Variants in SEL1L2 observed in about 807,000 individuals in gnomAD.
SEL1L2 encodes protein sel-1 homolog 2.
Under a neutral mutation model 98.8 loss-of-function variants are expected in SEL1L2, and 89 were observed. The observed-to-expected ratio is 0.90, with a 90% CI of 0.76 to 1.07. The LOEUF (loss-of-function observed/expected upper bound fraction) is 1.07, where lower values mean the gene tolerates loss of function less well. Ranked by LOEUF, SEL1L2 falls within the 50% of genes least tolerant of loss-of-function variation. The pLI is 0.00. For synonymous variants in SEL1L2, 262 were observed against 278.5 expected, an observed-to-expected ratio of 0.94 and a Z score of 0.59; for missense variants, 788 against 812.0, an observed-to-expected ratio of 0.97 and a Z score of 0.36.
chr20:13,961,432 C>G (rs1390548877), intron 1 of SEL1L2, among the ~76,000 whole-genome samples: 1 of 152,182 alleles, frequency 6.6e-6, no homozygotes, highest in African/African-American at 2.4e-5. Flanking sequence ...AGGGAAGAAG[C>G]TAGCACTACA....
At chr20:13,965,431 T>A (rs1438900674) in intron 1 of SEL1L2, among the ~76,000 whole-genome samples, 1 of 152,138 alleles carries the variant, frequency 6.6e-6, no homozygotes, top group Non-Finnish European at 1.5e-5. Flanking sequence ...TGATTTGCAC[T>A]ACAAGGGCCC....
intron 1 of SEL1L2, among the ~76,000 whole-genome samples, chr20:13,967,692 A>G (rs2051112514): frequency 6.6e-6 from 1 of 152,162 alleles, no homozygotes; most frequent in Admixed American, 6.5e-5. Flanking sequence ...AGCTCTTCCC[A>G]TTCTGAAGGA....
intron 3 of SEL1L2, among the ~76,000 whole-genome samples, chr20:13,926,596 G>A (rs2048917681): frequency 6.6e-6 from 1 of 152,162 alleles, no homozygotes; most frequent in Non-Finnish European, 1.5e-5. Flanking sequence ...TGGCTATGCA[G>A]CACTCTGTAG....
At chr20:13,985,823 C>T (rs527706306) in intron 1 of SEL1L2, among the ~76,000 whole-genome samples, 1 of 152,326 alleles carries the variant, frequency 6.6e-6, no homozygotes, top group South Asian at 2.1e-4. Flanking sequence ...CCCCATACCT[C>T]CCAGGCCTAG....
intron 2 of SEL1L2, among the ~76,000 whole-genome samples, chr20:13,932,972 T>C (rs181798496): frequency 4.6e-5 from 7 of 151,934 alleles, no homozygotes; most frequent in African/African-American, 1.4e-4. Flanking sequence ...TTTTATGAGG[T>C]GGAGGCGTCC....
chr20:13,925,432 G>A (rs2048847834), intron 3 of SEL1L2, among the ~76,000 whole-genome samples: 1 of 152,224 alleles, frequency 6.6e-6, no homozygotes, highest in South Asian at 2.1e-4. Context: ...ACCAGGGAGA[G>A]GTTTTTCCCT....
At chr20:13,932,239 CA>C (rs1401227086) in intron 2 of SEL1L2, among the ~76,000 whole-genome samples, 1 of 151,876 alleles carries the variant, frequency 6.6e-6, no homozygotes, top group Admixed American at 6.6e-5. Flanking sequence ...TATATAATTA[CA>C]ATTAATCTTT....
At chr20:13,977,455 C>T (rs1010331976) in intron 1 of SEL1L2, among the ~76,000 whole-genome samples, 12 of 152,088 alleles carry the variant, frequency 7.9e-5, no homozygotes, top group African/African-American at 2.2e-4. Context: ...GAGCTGTTGG[C>T]GTTCTTTGAG....
chr20:13,990,966 T>C (rs371802288), upstream of SEL1L2, among the ~76,000 whole-genome samples: 15 of 152,352 alleles, frequency 9.8e-5, no homozygotes, highest in African/African-American at 3.6e-4. Context: ...TCCTGTAAGC[T>C]GGTATCTCTA....
At chr20:13,956,704 A>T (rs1313020947) in intron 1 of SEL1L2, among the ~76,000 whole-genome samples, 4 of 152,150 alleles carry the variant, frequency 2.6e-5, no homozygotes, top group African/African-American at 9.6e-5. Flanking sequence ...TAAAGACTAT[A>T]TATATATCAT....
At chr20:13,853,192 G>A (rs928602988) in intron 18 of SEL1L2, among the ~76,000 whole-genome samples, 4 of 151,622 alleles carry the variant, frequency 2.6e-5, no homozygotes, top group African/African-American at 7.3e-5. Flanking sequence ...AATATATTCC[G>A]CTAGCCTATA....
chr20:13,896,252 A>G (rs1344649865), intron 5 of SEL1L2, among the ~76,000 whole-genome samples: 2 of 152,120 alleles, frequency 1.3e-5, no homozygotes, highest in Non-Finnish European at 2.9e-5. Flanking sequence ...TGGGTGGATC[A>G]CAAGGTCAAG....
intron 18 of SEL1L2, among the ~76,000 whole-genome samples, chr20:13,854,987 G>T (rs1988906448): frequency 6.7e-6 from 1 of 149,950 alleles, no homozygotes. Context: ...GGAGGCAGAG[G>T]TTGCAGTGAC....
chr20:13,869,337 C>G (rs999907869), intron 14 of SEL1L2, among the ~76,000 whole-genome samples, 166 bp downstream of exon 14: 18 of 152,186 alleles, frequency 1.2e-4, no homozygotes, highest in African/African-American at 4.3e-4. Context: ...TCCCCCCTCC[C>G]AACCAGTGTC....
intron 5 of SEL1L2, among the ~76,000 whole-genome samples, chr20:13,890,538 T>C (rs1471903656): frequency 6.6e-6 from 1 of 152,156 alleles, no homozygotes; most frequent in Non-Finnish European, 1.5e-5. Flanking sequence ...GAAGCTAGTC[T>C]ATAAAGACTA....
chr20:13,990,758 C>T (rs928547392), upstream of SEL1L2: 3 of 513,102 alleles, frequency 5.8e-6, no homozygotes, highest in Non-Finnish European at 1.0e-5. Flanking sequence ...ATTCCTCTGG[C>T]TGAAGATAAG....
chr20:13,978,742 G>T (rs2051666454), intron 1 of SEL1L2, among the ~76,000 whole-genome samples: 1 of 152,016 alleles, frequency 6.6e-6, no homozygotes, highest in African/African-American at 2.4e-5. Context: ...TATACACAAT[G>T]AAATATTATT....
chr20:13,876,198 CAG>C, intron 11 of SEL1L2, 83 bp from the exon 12 acceptor site: 1 of 978,404 alleles, frequency 1.0e-6, no homozygotes, highest in Non-Finnish European at 1.6e-6. Context: ...ATAGAGGTAA[CAG>C]TGGTACAACA....
chr20:13,874,516 A>G (rs2046350974), intron 12 of SEL1L2, among the ~76,000 whole-genome samples: 1 of 152,186 alleles, frequency 6.6e-6, no homozygotes, highest in Non-Finnish European at 1.5e-5. Context: ...GTTAATTTAC[A>G]TTCCCATCTC....
Sources: allele counts gnomAD v4.1 joint callset (sites outside exome capture counted in the v4.1 genomes callset), GRCh38; gene constraint gnomAD v4.1.1; transcripts MANE v1.5; gene names NCBI Gene and HGNC (gene_info 2026-07-23, HGNC 2026-07-21).